SHC2: variants seen among roughly 807,000 people sequenced by gnomAD.
SHC2 encodes SHC adaptor protein 2.
SHC2 carries 62 observed loss-of-function variants against 60.6 expected under a neutral mutation model. That is an observed-to-expected ratio of 1.02 (90% CI 0.83 to 1.26). SHC2 has a LOEUF of 1.26. Ranked by LOEUF, SHC2 falls within the 50% of genes most tolerant of loss-of-function variation. The pLI, the probability that SHC2 is intolerant of heterozygous loss-of-function variation, is 0.00. For missense variants in SHC2, 873 were observed against 822.2 expected (o/e 1.06, Z -0.76); for synonymous variants, 375 against 372.4 (o/e 1.01, Z -0.08).
Position 441,780 on chromosome 19 carries a change from G to A in SHC2, c.469-848C>T, listed in dbSNP as rs1016468985. 1.3e-5 allele frequency among the ~76,000 whole-genome samples: 2 copies of A among 152,284 alleles called. No individual in the cohort carries two copies. Among genetic ancestry groups the A allele is most frequent in the African/African-American group, 2.4e-5 (1 of 41,478 alleles). On this transcript the variant is annotated intron_variant, in intron 1 of 12. Transcript: ENST00000264554. This position sits in a 1 kb window ranked among gnomAD's most constrained non-coding sequence, Gnocchi z 4.9. ...TGAATGTACGAAATGCTACTGAACT[G>A]TGAAAAATGCAACATGCAAAATGAT...
intron 1 of SHC2, among the ~76,000 whole-genome samples, chr19:459,077 G>T (rs1479612418): frequency 6.6e-6 from 1 of 152,140 alleles, no homozygotes; most frequent in Non-Finnish European, 1.5e-5. Flanking sequence ...ATCCAGGTAG[G>T]CCTCATCTTG....
intron 1 of SHC2, among the ~76,000 whole-genome samples, chr19:458,865 G>A (rs938574013): frequency 3.3e-5 from 5 of 152,014 alleles, no homozygotes; most frequent in African/African-American, 7.3e-5. Context: ...CGGGTCCTGG[G>A]GAGGCAGAAG....
chr19:452,745 G>T (rs12609106), intron 1 of SHC2, among the ~76,000 whole-genome samples: 7,347 of 152,290 alleles, frequency 0.048, 373 homozygotes, highest in African/African-American at 0.12. Context: ...ACACGCAGCT[G>T]CAGCTGGTGG....
intron 8 of SHC2, among the ~76,000 whole-genome samples, chr19:431,098 C>A (rs1290914870): frequency 2.7e-5 from 4 of 146,200 alleles, no homozygotes; most frequent in African/African-American, 5.1e-5. Flanking sequence ...CAGGGAAGGC[C>A]TCCGGACCGC....
At chr19:447,320 G>T (rs76092573) in intron 1 of SHC2, among the ~76,000 whole-genome samples, 2 of 151,992 alleles carry the variant, frequency 1.3e-5, no homozygotes, top group African/African-American at 4.8e-5. Flanking sequence ...GTGGAGGGGA[G>T]GGACGGCTGA....
rs142032421 is a variant in SHC2, at chr19:448,408, G to A, written c.469-7476C>T. On this transcript the variant is annotated intron_variant, in intron 1 of 12. Transcript: ENST00000264554. ...CTCCCGGCGTCCCGGGCTTGTGGCC[G>A]TGTTACTCCATCTCTGCCTCCTCCA... is the stretch of plus-strand genomic sequence containing the variant. Among the ~76,000 whole-genome samples the A allele has an allele frequency of 3.3e-3, 506 of 152,242 alleles. 5 individuals carry two copies. The highest frequency in any genetic ancestry group is 0.012 in the African/African-American group (481 of 41,532).
Position 439,019 on chromosome 19 carries a change from T to C in SHC2, c.551A>G (p.Asn184Ser). 1 of 1,592,002 alleles carries C rather than the reference T, an allele frequency of 6.3e-7. No homozygotes were observed. Among genetic ancestry groups the C allele is most frequent in the Non-Finnish European group, 8.5e-7 (1 of 1,169,996 alleles). The change falls in exon 3 of 13, where the codon AAC becomes AGC. Residue 184 changes from asparagine (N) to serine (S), a missense_variant. Asn to Ser is a conservative substitution (Grantham distance 46). Transcript: ENST00000264554. ...GCCAGGCACGGCCTCATGGAGCCGG[T>C]TGATGGCTTCCCTGGGGTTGGGAGG... ...TRTQVTREAI[N>S]RLHEAVPGVR...
At position 422,364 on chromosome 19, in the gene SHC2, G is replaced by A. The variant is rs766149495; in HGVS notation, c.1402C>T (p.Pro468Ser). The change falls in exon 11 of 13, where the codon CCC (proline) becomes TCC (serine). Residue 468 changes from proline (P) to serine (S), a missense_variant. Pro to Ser is a moderately conservative substitution (Grantham distance 74). Coordinates refer to ENST00000264554, the MANE Select transcript of SHC2 (RefSeq NM_012435.3). The surrounding 1 kb of genome is among the most constrained non-coding windows in gnomAD (Gnocchi z 5.0). Reference sequence around the variant, plus strand: ...GCCACAGGGGCCCGGCGGGTAGGGGGGCTGGGCCACTGGTCCTCCAAGGGA... The same window carrying A: ...GCCACAGGGGCCCGGCGGGTAGGGGAGCTGGGCCACTGGTCCTCCAAGGGA... ...PLPLEDQWPS[P>S]PTRRAPVAPT... is the part of the protein sequence containing the mutation. The A allele has an allele frequency of 1.4e-5, 23 of 1,604,760 alleles. No homozygotes were observed. In the African/African-American group the frequency reaches 2.9e-4, roughly 21 times the overall value.
rs747808171 is a variant in SHC2 at position 436,449 on chromosome 19, C to G, written c.775-18G>C. 6.2e-7 allele frequency: 1 copy of G among 1,602,066 alleles called. No homozygotes were observed. The highest frequency in any genetic ancestry group is 8.5e-7 in the Non-Finnish European group (1 of 1,174,416). ...GTCATGTCCTGGGGGCGGGGAGGGG[C>G]CAGCTGGACCTGCCTGGGCCCCCCA... is the stretch of plus-strand genomic sequence containing the variant. On this transcript the variant is annotated intron_variant, in intron 5 of 12. Transcript: ENST00000264554.
rs766529416 is a variant in SHC2, at chr19:430,722, G to C, written c.1136C>G (p.Ala379Gly). ...CCCCACGTCCCATGGCAGGCTGCAGGCATCTCTTAGAGAAGGAGATGGGCC... is the reference window on the plus strand; with the variant it reads ...CCCCACGTCCCATGGCAGGCTGCAGCCATCTCTTAGAGAAGGAGATGGGCC... ...DQGPSPSLRD[A>G]CSLPWDVGST... The change falls in exon 9 of 13, where the codon GCC becomes GGC. Residue 379 changes from alanine to glycine, a missense_variant. Physicochemically the swap from Ala to Gly is moderately conservative, Grantham distance 60 (BLOSUM62 0). Coordinates refer to ENST00000264554, the MANE Select transcript of SHC2 (RefSeq NM_012435.3). 2 of 1,612,998 alleles carry C rather than the reference G, an allele frequency of 1.2e-6. No individual in the cohort carries two copies. The highest frequency in any genetic ancestry group is 3.3e-5 in the Admixed American group (2 of 59,990).
chr19:431,365 A>G (rs1419740165), intron 8 of SHC2, among the ~76,000 whole-genome samples: 1 of 135,784 alleles, frequency 7.4e-6, no homozygotes, highest in Non-Finnish European at 1.5e-5. Flanking sequence ...AGTGAGAGAT[A>G]GAGGAGGCCA....
At chr19:451,797 CA>C (rs1367534618) in intron 1 of SHC2, among the ~76,000 whole-genome samples, 1 of 152,132 alleles carries the variant, frequency 6.6e-6, no homozygotes, top group Non-Finnish European at 1.5e-5. Flanking sequence ...GGGGTTTCAC[CA>C]TGTTGACAGG....
At chr19:442,552 T>C (rs1244044241) in intron 1 of SHC2, among the ~76,000 whole-genome samples, 6 of 23,130 alleles carry the variant, frequency 2.6e-4, no homozygotes, top group African/African-American at 8.9e-4. Flanking sequence ...GGTGGGTGGA[T>C]GGGTGGGTGG....
intron 1 of SHC2, among the ~76,000 whole-genome samples, chr19:447,122 G>A (rs1055504552): frequency 1.3e-5 from 2 of 152,218 alleles, no homozygotes; most frequent in South Asian, 4.1e-4. Flanking sequence ...GGGTCCATCC[G>A]CACTCTGGAA....
intron 1 of SHC2, 74 bp downstream of exon 1, chr19:460,455 G>T: frequency 1.3e-6 from 1 of 755,416 alleles, no homozygotes; most frequent in Non-Finnish European, 1.8e-6. Flanking sequence ...GCGGGGTCCG[G>T]GGGTCCCGGA....
At position 460,571 on chromosome 19, in the gene SHC2, G is replaced by C. The variant is rs1600339478; in HGVS notation, c.426C>G (p.Pro142=). The change falls in exon 1 of 13, where the codon CCC becomes CCG. Residue 142 remains proline (P), a synonymous_variant. Transcript: ENST00000264554. The part of the protein sequence containing the change: ...IHKPAHGWLH[P]DARVLGPGVS... ...CCCCGGGCCCCAGGACCCTGGCGTC[G>C]GGGTGTAGCCAGCCGTGCGCGGGTT... is the stretch of plus-strand genomic sequence containing the variant. 7.1e-7 allele frequency: 1 copy of C among 1,417,762 alleles called. No individual in the cohort carries two copies. The highest frequency in any genetic ancestry group is 9.3e-7 in the Non-Finnish European group (1 of 1,080,122). The allele number at this position is 1,417,762 out of a possible 1,614,324, so 87.8% of individuals were successfully genotyped here. A position where few individuals can be genotyped will look rare whatever the true frequency, so the allele number is the denominator to read the frequency against.
At position 422,408 on chromosome 19, in the gene SHC2, C is replaced by A. The variant is rs780294136; in HGVS notation, c.1358G>T (p.Gly453Val). 14 of 1,592,198 alleles carry A rather than the reference C, an allele frequency of 8.8e-6. No individual in the cohort carries two copies. Among genetic ancestry groups the A allele is most frequent in the African/African-American group, 4.0e-5 (3 of 74,498 alleles). ...LKLHECSVAAGVTAAPLPLED... is the reference protein window; with the variant it reads ...LKLHECSVAAVVTAAPLPLED... ...CAAGGGAAGAGGGGCTGCTGTCACG[C>A]CTGCCGCCACTGAGCACTCATGCAA... Residue 453 changes from glycine to valine, a missense_variant, in exon 11 of 13, where the codon GGC becomes GTC. Transcript: ENST00000264554. This position sits in a 1 kb window ranked among gnomAD's most constrained non-coding sequence, Gnocchi z 5.0.
intron 1 of SHC2, among the ~76,000 whole-genome samples, chr19:457,856 C>T (rs1252550177): frequency 1.3e-5 from 2 of 152,274 alleles, no homozygotes; most frequent in African/African-American, 2.4e-5. Context: ...GTAGGACAAA[C>T]CGCCGGGAGA....
At chr19:419,113 A>C in intron 11 of SHC2, 57 bp from the exon 12 acceptor site, 1 of 1,512,518 alleles carries the variant, frequency 6.6e-7, no homozygotes, top group Middle Eastern at 2.0e-4. Context: ...CCCGTGGAGT[A>C]GGATATTGGC....
Sources: allele counts gnomAD v4.1 joint callset (sites outside exome capture counted in the v4.1 genomes callset), GRCh38; gene constraint gnomAD v4.1.1; non-coding constraint Gnocchi (gnomAD v3.1); transcripts MANE v1.5; gene names NCBI Gene and HGNC (gene_info 2026-07-23, HGNC 2026-07-21).